VRK2: variants seen among roughly 807,000 people sequenced by gnomAD.
The protein encoded by VRK2 is VRK serine/threonine kinase 2.
Under a neutral mutation model 57.6 loss-of-function variants are expected in VRK2, and 60 were observed. The observed-to-expected ratio is 1.04, with a 90% CI of 0.85 to 1.29. The LOEUF is 1.29. Among genes scored for constraint, VRK2 ranks in the 50% most tolerant of loss-of-function variants. VRK2 has a pLI of 0.00. For synonymous variants in VRK2, 231 were observed against 199.2 expected (o/e 1.16, Z -1.35); for missense variants, 705 against 588.1 (o/e 1.20, Z -2.06).
chr2:58,047,410 GA>G (rs1674992808), intron 1 of VRK2: 8 of 985,256 alleles, frequency 8.1e-6, no homozygotes, highest in Admixed American at 6.1e-5. Flanking sequence ...CCCTGACAGG[GA>G]CGGGCCCTGA....
At chr2:58,134,991 T>G in intron 9 of VRK2, 150 bp from the exon 10 acceptor site, 1 of 728,108 alleles carries the variant, frequency 1.4e-6, no homozygotes, top group South Asian at 1.8e-5. Flanking sequence ...TCTGCTTACT[T>G]TCCTATCCAT....
chr2:58,007,783 T>C (rs996361337), intron 1 of VRK2, among the ~76,000 whole-genome samples: 4 of 152,104 alleles, frequency 2.6e-5, no homozygotes, highest in South Asian at 4.1e-4. Flanking sequence ...TGTATGCCTA[T>C]ATTAAGAGAA....
chr2:58,041,014 G>T (rs1301929986), intron 3 of VRK2: 2 of 984,228 alleles, frequency 2.0e-6, no homozygotes, highest in Middle Eastern at 5.2e-4. Context: ...CATTCGGCCA[G>T]CTCCTCTTCT....
intron 1 of VRK2, among the ~76,000 whole-genome samples, chr2:57,991,497 C>T (rs1216713037): frequency 3.3e-5 from 5 of 152,034 alleles, no homozygotes; most frequent in Non-Finnish European, 5.9e-5. Flanking sequence ...CTAACAAAGT[C>T]TAAGGGAAGT....
chr2:58,002,862 G>C (rs1330924783), intron 1 of VRK2, among the ~76,000 whole-genome samples: 2 of 152,130 alleles, frequency 1.3e-5, no homozygotes, highest in Non-Finnish European at 2.9e-5. Context: ...TTTGTGTTTG[G>C]AAATTAATCT....
chr2:58,055,224 T>C (rs1676342264), intron 2 of VRK2, among the ~76,000 whole-genome samples: 1 of 152,128 alleles, frequency 6.6e-6, no homozygotes, highest in African/African-American at 2.4e-5. Context: ...GCATCACACC[T>C]TCTGAATGGG....
chr2:58,124,861 G>T (rs1176574118), intron 8 of VRK2, among the ~76,000 whole-genome samples: 2 of 151,938 alleles, frequency 1.3e-5, no homozygotes, highest in Non-Finnish European at 2.9e-5. Context: ...GTATAGTTTG[G>T]TTAGAAAAGT....
intron 7 of VRK2, among the ~76,000 whole-genome samples, chr2:58,104,502 A>C (rs988753563): frequency 2.0e-5 from 3 of 151,924 alleles, no homozygotes; most frequent in African/African-American, 7.2e-5. Flanking sequence ...GAATATATTT[A>C]ACCAAGAAAG....
chr2:57,962,304 T>C (rs1361130283), intron 1 of VRK2, among the ~76,000 whole-genome samples: 1 of 152,174 alleles, frequency 6.6e-6, no homozygotes, highest in East Asian at 1.9e-4. Flanking sequence ...AGACAATTCG[T>C]GGGCTAGGAA....
At chr2:58,013,858 C>CAA (rs60604486) in intron 1 of VRK2, among the ~76,000 whole-genome samples, 4,908 of 61,212 alleles carry the variant, frequency 0.08, 881 homozygotes, top group African/African-American at 0.24. Context: ...GACTCCGTCT[C>CAA]AAAAAAAAAA....
At chr2:57,914,183 A>C (rs997757416) in intron 1 of VRK2, among the ~76,000 whole-genome samples, 4 of 152,018 alleles carry the variant, frequency 2.6e-5, no homozygotes, top group Admixed American at 2.6e-4. Context: ...AATTTCTAAT[A>C]AACATGAGGC....
chr2:58,134,385 G>C (rs191468695), intron 9 of VRK2, among the ~76,000 whole-genome samples: 1,662 of 152,038 alleles, frequency 0.011, 27 homozygotes, highest in African/African-American at 0.035. Context: ...GCCGAGGCGG[G>C]TGGATCATGA....
intron 7 of VRK2, among the ~76,000 whole-genome samples, chr2:58,108,770 G>A (rs1398345296): frequency 6.6e-6 from 1 of 152,146 alleles, no homozygotes; most frequent in Non-Finnish European, 1.5e-5. Flanking sequence ...CTCTAGGCCT[G>A]TAGATGTGCT....
At chr2:57,957,316 G>A (rs775365121) in intron 1 of VRK2, among the ~76,000 whole-genome samples, 3 of 151,840 alleles carry the variant, frequency 2.0e-5, no homozygotes, top group Non-Finnish European at 4.4e-5. Flanking sequence ...TAAGTACCAC[G>A]TAGCTCATAT....
At chr2:57,918,909 T>C (rs1037674038) in intron 1 of VRK2, among the ~76,000 whole-genome samples, 1 of 152,152 alleles carries the variant, frequency 6.6e-6, no homozygotes, top group African/African-American at 2.4e-5. Context: ...TCTATGTATC[T>C]GAAGATTTTT....
Position 58,086,366 on chromosome 2 carries a change from T to A in VRK2, c.284T>A (p.Leu95His). Residue 95 changes from leucine to histidine, a missense_variant, in exon 5 of 13, where the codon CTT becomes CAT. By Grantham distance (99) the Leu-to-His change is moderately conservative (BLOSUM62 -3). Transcript: ENST00000340157. ...AAAAAGTGGATAGAACGCAAACAAC[T>A]TGATTATTTAGGAATTCCTCTGTTT... is the stretch of plus-strand genomic sequence containing the variant. ...CIKKWIERKQ[L>H]DYLGIPLFYG... 1 of 1,605,364 alleles carries A rather than the reference T, an allele frequency of 6.2e-7. No homozygotes were observed. The highest frequency in any genetic ancestry group is 8.5e-7 in the Non-Finnish European group (1 of 1,177,496).
At chr2:58,043,361 T>A (rs1418456430), upstream of VRK2, among the ~76,000 whole-genome samples, 1 of 152,188 alleles carries the variant, frequency 6.6e-6, no homozygotes, top group Admixed American at 6.5e-5. Context: ...CAATTTTAAG[T>A]GTATAACTAG....
rs1417250858 is a variant in VRK2 at position 57,937,189 on chromosome 2, T to C, written c.-439+29350T>C. Reference sequence around the variant, plus strand: ...GAACACATGCTATGAAATCTTTTAATTACAAAGACATAAAGTATCAAATAC... The same window carrying C: ...GAACACATGCTATGAAATCTTTTAACTACAAAGACATAAAGTATCAAATAC... On this transcript the variant is annotated intron_variant, in intron 1 of 15. Transcript: ENST00000417641. Among the ~76,000 whole-genome samples, 3 of 152,300 alleles carry C rather than the reference T, an allele frequency of 2.0e-5. No individual in the cohort carries two copies. The South Asian group carries it at 6.2e-4, about 32-fold the overall frequency.
At chr2:58,114,544 G>C (rs1213822180) in intron 7 of VRK2, among the ~76,000 whole-genome samples, 1 of 152,164 alleles carries the variant, frequency 6.6e-6, no homozygotes, top group African/African-American at 2.4e-5. Context: ...TCTGAGGACA[G>C]GCCTGAATTC....
Sources: allele counts gnomAD v4.1 joint callset (sites outside exome capture counted in the v4.1 genomes callset), GRCh38; gene constraint gnomAD v4.1.1; transcripts MANE v1.5; gene names NCBI Gene and HGNC (gene_info 2026-07-23, HGNC 2026-07-21).